The following FBXO36 variants were observed in gnomAD, a reference collection of about 807,000 sequenced individuals.
The protein encoded by FBXO36 is F-box protein 36.
In FBXO36, 18 loss-of-function variants were observed where a neutral mutation model predicts 17.0. That is an observed-to-expected ratio of 1.06 (90% CI 0.73 to 1.57). The LOEUF (loss-of-function observed/expected upper bound fraction) is 1.57. Among genes scored for constraint, FBXO36 ranks in the 40% most tolerant of loss-of-function variants. The pLI, the probability that FBXO36 is intolerant of heterozygous loss-of-function variation, is 0.00. For missense variants in FBXO36, 229 were observed against 221.9 expected, an observed-to-expected ratio of 1.03 and a Z score of -0.20; for synonymous variants, 83 against 85.3, an observed-to-expected ratio of 0.97 and a Z score of 0.15.
rs2077207754 is a variant in FBXO36 at position 229,976,277 on chromosome 2, G to A, written c.133G>A (p.Glu45Lys). 3.1e-6 allele frequency: 5 copies of A among 1,613,456 alleles called. No individual in the cohort carries two copies. Among genetic ancestry groups the A allele is most frequent in the Non-Finnish European group, 4.2e-6 (5 of 1,179,702 alleles). Residue 45 changes from glutamate (E) to lysine (K), a missense_variant, in exon 2 of 4, where the codon GAG (glutamate) becomes AAG (lysine). Glu to Lys is a moderately conservative substitution (Grantham distance 56). Transcript: ENST00000283946. The stretch of plus-strand genomic sequence containing the variant: ...ATGGTGGAAGATCTCTCTAAGGAGT[G>A]AGTATCGATCAACAAAACCTGGAGA... ...FRWWKISLRS[E>K]YRSTKPGEAK...
At chr2:229,967,314 C>T (rs986530099) in intron 1 of FBXO36, among the ~76,000 whole-genome samples, 5 of 152,138 alleles carry the variant, frequency 3.3e-5, no homozygotes, top group Non-Finnish European at 7.4e-5. Context: ...ACAATCATGT[C>T]GTCTGCAAAC....
intron 1 of FBXO36, chr2:229,939,307 T>G: frequency 1.0e-6 from 1 of 971,762 alleles, no homozygotes. Context: ...TCTTGCCCTA[T>G]TTTACATTTT....
chr2:229,932,470 A>T (rs2076943657), intron 1 of FBXO36, among the ~76,000 whole-genome samples: 1 of 152,052 alleles, frequency 6.6e-6, no homozygotes. Flanking sequence ...CAGTGAGCCA[A>T]GGTCACGCCA....
intron 2 of FBXO36, among the ~76,000 whole-genome samples, chr2:229,985,278 CCA>C (rs1439813300): frequency 1.3e-5 from 2 of 151,978 alleles, no homozygotes; most frequent in Non-Finnish European, 2.9e-5. Flanking sequence ...ACGTAAAATA[CCA>C]GTTACTTTCT....
intron 1 of FBXO36, among the ~76,000 whole-genome samples, chr2:229,926,329 G>A (rs2076912073): frequency 6.6e-6 from 1 of 151,806 alleles, no homozygotes; most frequent in African/African-American, 2.4e-5. Flanking sequence ...TACTCGGGAG[G>A]CTGAGGCAGG....
In FBXO36 at chr2:229,950,350, C is replaced by G. The variant is rs554008174; in HGVS notation, c.97-25891C>G. 5.3e-5 allele frequency among the ~76,000 whole-genome samples: 8 copies of G among 151,946 alleles called. No individual in the cohort carries two copies. In the East Asian group the frequency reaches 1.6e-3, roughly 30 times the overall value. On this transcript the variant is annotated intron_variant, in intron 1 of 3. Transcript: ENST00000283946. ...CTGAGGCAGGAGAATCGCTTGAACC[C>G]AGGAGGCAGAGGTTGCAGTGAGCCG...
At chr2:230,005,610 GGAAATAA>G (rs1485612258) in intron 3 of FBXO36, among the ~76,000 whole-genome samples, 3 of 152,124 alleles carry the variant, frequency 2.0e-5, no homozygotes, top group African/African-American at 7.2e-5. Flanking sequence ...ATGGAAAAAA[GGAAATAA>G]GTATGTACCT....
At position 230,012,867 on chromosome 2, in the gene FBXO36, A is replaced by G. The variant is rs1012916735; in HGVS notation, c.*1983A>G. ...ATTCTGAAAGCTTATGGACATGCGCAATAGTTGATTCAGCTTCAATCAATA... is the reference window on the plus strand; with the variant it reads ...ATTCTGAAAGCTTATGGACATGCGCGATAGTTGATTCAGCTTCAATCAATA... On this transcript the variant is annotated 3_prime_UTR_variant, in exon 4 of 4. Transcript: ENST00000283946. The G allele has an allele frequency of 6.6e-6, 1 of 151,708 alleles. No individual in the cohort carries two copies. Among genetic ancestry groups the G allele is most frequent in the African/African-American group, 2.4e-5 (1 of 41,394 alleles). 9.4% of individuals were successfully genotyped at this position (151,708 alleles called of 1,614,324 possible).
intron 1 of FBXO36, among the ~76,000 whole-genome samples, chr2:229,936,221 C>G (rs528965452): frequency 6.6e-6 from 1 of 151,900 alleles, no homozygotes; most frequent in Non-Finnish European, 1.5e-5. Flanking sequence ...CTAACTCATC[C>G]CCTCTCTTCC....
intron 1 of FBXO36, among the ~76,000 whole-genome samples, chr2:229,931,561 A>G (rs890384675): frequency 6.6e-6 from 1 of 152,144 alleles, no homozygotes; most frequent in Admixed American, 6.6e-5. Context: ...ATGTTTCACG[A>G]CCGGCATGTT....
chr2:230,004,078 G>A (rs1399609389), intron 3 of FBXO36, among the ~76,000 whole-genome samples: 1 of 152,196 alleles, frequency 6.6e-6, no homozygotes, highest in Non-Finnish European at 1.5e-5. Context: ...GCCACCCTCT[G>A]CCCCAGCCAG....
rs541829941 is a variant in FBXO36, at chr2:229,940,354, G to C, written c.96+17745G>C. On this transcript the variant is annotated intron_variant, in intron 1 of 3. Coordinates refer to ENST00000283946, the MANE Select transcript of FBXO36 (RefSeq NM_174899.5). ...TAAGAGCGATTGATGGATACGTAAA[G>C]ACATAGTAGGCACATCCATGTAATA... is the stretch of plus-strand genomic sequence containing the variant. 1.7e-3 allele frequency among the ~76,000 whole-genome samples: 257 copies of C among 152,282 alleles called. 1 individual carries two copies. Among genetic ancestry groups the C allele is most frequent in the South Asian group, 8.1e-3 (39 of 4,822 alleles).
intron 1 of FBXO36, among the ~76,000 whole-genome samples, chr2:229,957,647 G>A (rs2077096003): frequency 6.6e-6 from 1 of 152,156 alleles, no homozygotes; most frequent in Admixed American, 6.6e-5. Context: ...TTTGAAGCAA[G>A]CAGTAATAGG....
intron 2 of FBXO36, among the ~76,000 whole-genome samples, chr2:229,982,658 T>A (rs1416776938): frequency 1.3e-5 from 2 of 151,208 alleles, no homozygotes; most frequent in Non-Finnish European, 2.9e-5. Context: ...AATACAAAAT[T>A]TAGCCAGGCA....
intron 1 of FBXO36, among the ~76,000 whole-genome samples, chr2:229,969,497 G>A (rs1239280850): frequency 6.6e-6 from 1 of 152,070 alleles, no homozygotes; most frequent in Non-Finnish European, 1.5e-5. Context: ...GACCATCCTG[G>A]CTAACGCGGT....
At position 229,950,726 on chromosome 2, in the gene FBXO36, T is replaced by G. The variant is rs559426040; in HGVS notation, c.97-25515T>G. On this transcript the variant is annotated intron_variant, in intron 1 of 3. Transcript: ENST00000283946. Reference sequence around the variant, plus strand: ...AGAACAATAGGGAAAAAAATCATATTGGTTAACACAGGTTACTTCAGGCTA... The same window carrying G: ...AGAACAATAGGGAAAAAAATCATATGGGTTAACACAGGTTACTTCAGGCTA... 2.8e-4 allele frequency among the ~76,000 whole-genome samples: 42 copies of G among 150,892 alleles called. 1 individual carries two copies. The highest frequency in any genetic ancestry group is 9.7e-4 in the African/African-American group (40 of 41,222).
intron 1 of FBXO36, among the ~76,000 whole-genome samples, chr2:229,933,589 G>A (rs754377522): frequency 2.3e-4 from 35 of 152,200 alleles, no homozygotes; most frequent in Non-Finnish European, 4.9e-4. Flanking sequence ...GCCGGGTGCA[G>A]GGGTGCGAGC....
At chr2:229,940,550 C>CTG (rs934010113) in intron 1 of FBXO36, among the ~76,000 whole-genome samples, 23 of 152,162 alleles carry the variant, frequency 1.5e-4, no homozygotes, top group African/African-American at 5.1e-4. Context: ...GTACCACAGA[C>CTG]TGTGACCTTA....
intron 3 of FBXO36, among the ~76,000 whole-genome samples, chr2:230,009,707 G>C (rs1577368541): frequency 6.6e-6 from 1 of 152,220 alleles, no homozygotes; most frequent in African/African-American, 2.4e-5. Flanking sequence ...CACTCTGGGA[G>C]GCTGAGGCAG....
Sources: gnomAD v4.1 joint callset for allele counts (sites outside exome capture counted in the v4.1 genomes callset) on GRCh38, gnomAD v4.1.1 for gene constraint, MANE v1.5 for transcripts, NCBI Gene and HGNC (gene_info 2026-07-23, HGNC 2026-07-21) for gene names.